The following RHEX variants were observed in gnomAD, a reference collection of about 807,000 sequenced individuals.
RHEX encodes the protein regulator of hemoglobinization and erythroid cell expansion.
In RHEX, 18 loss-of-function variants were observed where a neutral mutation model predicts 20.1. That is an observed-to-expected ratio of 0.90 (90% CI 0.62 to 1.33). RHEX has a LOEUF of 1.33. Among genes scored for constraint, RHEX ranks in the 40% most tolerant of loss-of-function variants. The probability of loss-of-function intolerance (pLI) is 0.00; values close to 1 mark genes in which losing one functional copy is unlikely to be tolerated. For missense variants in RHEX, 192 were observed against 214.3 expected (o/e 0.90, Z 0.65); for synonymous variants, 87 against 77.1 (o/e 1.13, Z -0.67).
rs139599700 is a variant in RHEX, at chr1:206,090,534, C to A, written c.-96-7199C>A. On this transcript the variant is annotated intron_variant, in intron 1 of 5. Coordinates refer to ENST00000331555, the MANE Select transcript of RHEX (RefSeq NM_001007544.4). ...CAATTCCTCTTCAAATTGCAATTTC[C>A]ACTCTTTTTGATTGTTCTTGTGTTT... Among the ~76,000 whole-genome samples the A allele has an allele frequency of 7.9e-3, 1,208 of 152,168 alleles. 44 individuals carry two copies. The highest frequency in any genetic ancestry group is 0.069 in the Admixed American group (1,049 of 15,276).
At chr1:206,083,604 A>G in intron 1 of RHEX, 1 of 985,490 alleles carries the variant, frequency 1.0e-6, no homozygotes, top group Non-Finnish European at 1.2e-6. Flanking sequence ...CCGTTAGGAC[A>G]TCGCTGAAAC....
chr1:206,063,059 A>G (rs1247128910), intron 1 of RHEX, among the ~76,000 whole-genome samples: 1 of 152,206 alleles, frequency 6.6e-6, no homozygotes, highest in African/African-American at 2.4e-5. Flanking sequence ...GTGGGTTGCT[A>G]GTTTGTATCA....
At chr1:206,063,333 T>C (rs1305780051) in intron 1 of RHEX, among the ~76,000 whole-genome samples, 5 of 152,096 alleles carry the variant, frequency 3.3e-5, no homozygotes, top group Non-Finnish European at 7.4e-5. Flanking sequence ...AACGGCAAGT[T>C]TCAAGCATGG....
intron 1 of RHEX, among the ~76,000 whole-genome samples, chr1:206,090,651 G>T (rs1236472439): frequency 6.6e-6 from 1 of 151,952 alleles, no homozygotes; most frequent in Non-Finnish European, 1.5e-5. Context: ...AACTTTAAAA[G>T]TGATTTTTAA....
At chr1:206,097,938 C>G (rs1553287912) in intron 2 of RHEX, 99 bp downstream of exon 2, 11 of 1,207,772 alleles carry the variant, frequency 9.1e-6, no homozygotes, top group Non-Finnish European at 1.1e-5. Context: ...CTGCCCCAGC[C>G]TTATTGTCCA....
chr1:206,056,885 G>A (rs1322400423), intron 1 of RHEX, among the ~76,000 whole-genome samples: 2 of 152,198 alleles, frequency 1.3e-5, no homozygotes, highest in Non-Finnish European at 2.9e-5. Flanking sequence ...GCGTTATTTC[G>A]GCTACTTGAA....
At chr1:206,084,741 T>C (rs1456574816) in intron 1 of RHEX, among the ~76,000 whole-genome samples, 1 of 152,106 alleles carries the variant, frequency 6.6e-6, no homozygotes, top group Non-Finnish European at 1.5e-5. Context: ...CAACGCAAAA[T>C]GAAAATCTGG....
rs1195193028 is a variant in RHEX at position 206,097,748 on chromosome 1, C to A, written c.-81C>A. The A allele has an allele frequency of 1.2e-6, 2 of 1,613,146 alleles. No homozygotes were observed. The highest frequency in any genetic ancestry group is 1.7e-6 in the Non-Finnish European group (2 of 1,179,314). ...CCTCTTGCAGATCTCCAGCACCCTG[C>A]CGGTGGCACTACTGAGAGACGAGGT... On this transcript the variant is annotated 5_prime_UTR_variant, in exon 2 of 6. Transcript: ENST00000331555.
intron 1 of RHEX, chr1:206,083,715 A>G (rs1553286174): frequency 2.3e-6 from 2 of 853,742 alleles, no homozygotes; most frequent in South Asian, 5.4e-5. Flanking sequence ...TTGCGAGCAT[A>G]TATGTGTAGA....
At chr1:206,081,259 T>TGAA (rs1662730624) in intron 1 of RHEX, among the ~76,000 whole-genome samples, 1 of 152,154 alleles carries the variant, frequency 6.6e-6, no homozygotes, top group Non-Finnish European at 1.5e-5. Context: ...GCCACAAACA[T>TGAA]GTATCGAGTA....
chr1:206,068,678 T>C (rs560775438), intron 1 of RHEX, among the ~76,000 whole-genome samples: 1 of 152,238 alleles, frequency 6.6e-6, no homozygotes, highest in South Asian at 2.1e-4. Context: ...ATTGAGCCAA[T>C]TGTATATAAA....
chr1:206,056,080 C>T (rs1553282579), intron 1 of RHEX, among the ~76,000 whole-genome samples: 4 of 152,258 alleles, frequency 2.6e-5, no homozygotes, highest in South Asian at 2.1e-4. Flanking sequence ...TGAACATCCC[C>T]GCATAACCAT....
intron 1 of RHEX, among the ~76,000 whole-genome samples, chr1:206,081,592 G>A (rs1044597810): frequency 1.3e-5 from 2 of 152,188 alleles, no homozygotes; most frequent in South Asian, 4.1e-4. Context: ...GCAAGAGTGT[G>A]CACAGAAGTG....
intron 1 of RHEX, chr1:206,060,487 G>A (rs544470728): frequency 2.6e-5 from 4 of 152,510 alleles, no homozygotes; most frequent in Admixed American, 2.6e-4. Flanking sequence ...AAGGAGGAAG[G>A]TGGGCTCCTG....
chr1:206,097,696 A>C, intron 1 of RHEX, 37 bp from the exon 2 acceptor site: 1 of 1,376,056 alleles, frequency 7.3e-7, no homozygotes, highest in Non-Finnish European at 1.0e-6. Context: ...TTGTATAAAG[A>C]GCCCTGGAGT....
At chr1:206,070,278 C>A (rs1369056090) in intron 1 of RHEX, among the ~76,000 whole-genome samples, 2 of 152,168 alleles carry the variant, frequency 1.3e-5, no homozygotes, top group African/African-American at 2.4e-5. Context: ...CTGCCATCCC[C>A]CTATATCCAC....
intron 2 of RHEX, 111 bp from the exon 3 acceptor site, chr1:206,097,970 T>C: frequency 8.5e-7 from 1 of 1,171,684 alleles, no homozygotes; most frequent in Admixed American, 1.7e-5. Context: ...GGACCTACCC[T>C]GGGACACGCA....
chr1:206,078,915 G>A (rs1662684296), intron 1 of RHEX, among the ~76,000 whole-genome samples: 1 of 152,200 alleles, frequency 6.6e-6, no homozygotes, highest in Non-Finnish European at 1.5e-5. Flanking sequence ...AAGTCATTTA[G>A]CTGGGGGGAT....
rs1663204992 is a variant in RHEX at position 206,102,073 on chromosome 1, A to G, written c.*121A>G. ...CTCACAAGTCTATGGAGACAGGCCA[A>G]AAAGAATGTGGAGAAGAAAACTGAT... On this transcript the variant is annotated 3_prime_UTR_variant, in exon 6 of 6. Transcript: ENST00000331555. 3 of 805,768 alleles carry G rather than the reference A, an allele frequency of 3.7e-6. No homozygotes were observed. The highest frequency in any genetic ancestry group is 2.5e-5 in the East Asian group (1 of 40,328). The allele number at this position is 805,768 out of a possible 1,614,324, so 49.9% of individuals were successfully genotyped here.
Sources: allele counts gnomAD v4.1 joint callset (sites outside exome capture counted in the v4.1 genomes callset), GRCh38; gene constraint gnomAD v4.1.1; transcripts MANE v1.5; gene names NCBI Gene and HGNC (gene_info 2026-07-23, HGNC 2026-07-21).